CHML: variants seen among roughly 807,000 people sequenced by gnomAD.
CHML encodes rab proteins geranylgeranyltransferase component A 2.
Under a neutral mutation model 30.4 loss-of-function variants are expected in CHML, and 20 were observed. That is an observed-to-expected ratio of 0.66 (90% confidence interval 0.46 to 0.95). The LOEUF (loss-of-function observed/expected upper bound fraction) is 0.95, where lower values mean the gene tolerates loss of function less well. Among genes scored for constraint, CHML ranks in the 40% least tolerant of loss-of-function variants. The pLI is 0.00. For synonymous variants in CHML, 281 were observed against 275.0 expected (o/e 1.02, Z -0.22); for missense variants, 795 against 768.5 (o/e 1.03, Z -0.41).
rs1463577702 is a variant in CHML, at chr1:241,629,403, T to A, written c.*4393A>T. 1 of 152,116 alleles carries A rather than the reference T, an allele frequency of 6.6e-6. No homozygotes were observed. Among genetic ancestry groups the A allele is most frequent in the Admixed American group, 6.5e-5 (1 of 15,270 alleles). The allele number at this position is 152,116 out of a possible 1,614,324, so 9.4% of individuals were successfully genotyped here. A position where few individuals can be genotyped will look rare whatever the true frequency, so the allele number is the denominator to read the frequency against. Reference sequence around the variant, plus strand: ...TACAATAGCATGAACTAAGTCAAAGTTGCATTTTTAATATTAGGAAATTTG... The same window carrying A: ...TACAATAGCATGAACTAAGTCAAAGATGCATTTTTAATATTAGGAAATTTG... On this transcript the variant is annotated 3_prime_UTR_variant, in exon 2 of 2. Coordinates refer to ENST00000366553, the MANE Select transcript of CHML (RefSeq NM_001381853.1).
rs1664882906 is a variant in CHML, at chr1:241,635,968, T to C, written c.-202A>G. ...TAAAAACATGAGCAAGTACATCTAATCACATCTGAGAATACTAAAATGGAT... is the reference window on the plus strand; with the variant it reads ...TAAAAACATGAGCAAGTACATCTAACCACATCTGAGAATACTAAAATGGAT... On this transcript the variant is annotated 5_prime_UTR_variant, in exon 2 of 2. The change abolishes the stop of an existing upstream ORF in the 5' untranslated region. Transcript: ENST00000366553. 1.8e-6 allele frequency: 1 copy of C among 570,848 alleles called. No homozygotes were observed. The highest frequency in any genetic ancestry group is 1.9e-5 in the African/African-American group (1 of 52,698). 35.4% of individuals were successfully genotyped at this position (570,848 alleles called of 1,614,324 possible). A position where few individuals can be genotyped will look rare whatever the true frequency, so the allele number is the denominator to read the frequency against.
In CHML at chr1:241,632,384, C is replaced by T. The variant is rs2148023996; in HGVS notation, c.*1412G>A. The T allele has an allele frequency of 6.6e-6, 1 of 152,226 alleles. No homozygotes were observed. Among genetic ancestry groups the T allele is most frequent in the Middle Eastern group, 3.4e-3 (1 of 294 alleles). 9.4% of individuals were successfully genotyped at this position (152,226 alleles called of 1,614,324 possible). On this transcript the variant is annotated 3_prime_UTR_variant, in exon 2 of 2. Coordinates refer to ENST00000366553, the MANE Select transcript of CHML (RefSeq NM_001381853.1). ...ATACAGAGGGTACATGCGAATTTGCCTCACAGGATTGTTGAGAAACTGTCA... is the reference window on the plus strand; with the variant it reads ...ATACAGAGGGTACATGCGAATTTGCTTCACAGGATTGTTGAGAAACTGTCA...
chr1:241,633,552 C>G lies in CHML; in HGVS notation c.*244G>C. 2.0e-6 allele frequency: 1 copy of G among 496,310 alleles called. No homozygotes were observed. The highest frequency in any genetic ancestry group is 3.5e-6 in the Non-Finnish European group (1 of 283,140). The allele number at this position is 496,310 out of a possible 1,614,324, so 30.7% of individuals were successfully genotyped here. On this transcript the variant is annotated 3_prime_UTR_variant, in exon 2 of 2. Transcript: ENST00000366553. ...ATACCCAATACTAAAATAAAGCTAA[C>G]TCTGTTTTAAGATTCTGGGTCATAT...
Position 241,639,956 on chromosome 1 carries a change from ACGAAGGTAAAGGTGACCC to A in CHML, c.-400_-383del. The A allele has an allele frequency of 6.2e-7, 1 of 1,611,010 alleles. No individual in the cohort carries two copies. The highest frequency in any genetic ancestry group is 8.5e-7 in the Non-Finnish European group (1 of 1,178,886). ...CACCCAGCCGTTCCTCAGGCAGGAC[ACGAAGGTAAAGGTGACCC>A]CGAAGAGGGACACCAGCAGGTCGCT... On this transcript the variant is annotated 5_prime_UTR_variant, in exon 1 of 2. Transcript: ENST00000366553.
chr1:241,639,826 G>A, intron 1 of CHML, 56 bp downstream of exon 1: 1 of 1,403,104 alleles, frequency 7.1e-7, no homozygotes, highest in Non-Finnish European at 9.3e-7. Context: ...AGCGGGCAGC[G>A]GGGTGGGGAG....
rs1664517461 is a variant in CHML, at chr1:241,629,148, T to C, written c.*4648A>G. 6.6e-6 allele frequency: 1 copy of C among 152,534 alleles called. No homozygotes were observed. The highest frequency in any genetic ancestry group is 1.5e-5 in the Non-Finnish European group (1 of 68,010). The allele number at this position is 152,534 out of a possible 1,614,324, so 9.4% of individuals were successfully genotyped here. On this transcript the variant is annotated 3_prime_UTR_variant, in exon 2 of 2. Coordinates refer to ENST00000366553, the MANE Select transcript of CHML (RefSeq NM_001381853.1). Reference sequence around the variant, plus strand: ...AAATTTACTTAACCATTTCCAATCGTTGGGCTTTTTTCCCCCTTAAAGTTA... The same window carrying C: ...AAATTTACTTAACCATTTCCAATCGCTGGGCTTTTTTCCCCCTTAAAGTTA...
chr1:241,639,030 AT>A (rs1352708115), intron 1 of CHML, among the ~76,000 whole-genome samples: 1 of 152,230 alleles, frequency 6.6e-6, no homozygotes, highest in African/African-American at 2.4e-5. Context: ...TCCTTCAATG[AT>A]TTGCTGAGTT....
chr1:241,635,177 T>C lies in CHML; in HGVS notation c.590A>G (p.Asp197Gly). The change falls in exon 2 of 2, where the codon GAT (aspartate) becomes GGT (glycine). Residue 197 changes from aspartate to glycine, a missense_variant. Coordinates refer to ENST00000366553, the MANE Select transcript of CHML (RefSeq NM_001381853.1). ...CMHTVSDKDG[D>G]KDESKSTVED... ...TACTGTAGATTTGCTTTCATCTTTA[T>C]CTCCATCTTTATCTGAAACTGTGTG... The C allele has an allele frequency of 6.2e-7, 1 of 1,613,072 alleles. No homozygotes were observed. Among genetic ancestry groups the C allele is most frequent in the Non-Finnish European group, 8.5e-7 (1 of 1,179,920 alleles).
In CHML at chr1:241,635,349, G is replaced by A; in HGVS notation, c.418C>T (p.Pro140Ser). The change falls in exon 2 of 2, where the codon CCT becomes TCT. Residue 140 changes from proline (P) to serine (S), a missense_variant. Transcript: ENST00000366553. ...TFTEVLDSAL[P>S]EESQLSYFNS... ...AAATACGATAACTGGCTTTCTTCAG[G>A]TAATGCAGAATCCAGAACTTCAGTG... 2 of 1,613,944 alleles carry A rather than the reference G, an allele frequency of 1.2e-6. No homozygotes were observed. The highest frequency in any genetic ancestry group is 1.7e-6 in the Non-Finnish European group (2 of 1,179,924).
Position 241,633,676 on chromosome 1 carries a change from C to G in CHML, c.*120G>C. ...AATGTCTGAGAGTTAAAGACAACAT[C>G]TGCATAGCATTCATCATATATAACC... On this transcript the variant is annotated 3_prime_UTR_variant, in exon 2 of 2. Transcript: ENST00000366553. 1 of 992,038 alleles carries G rather than the reference C, an allele frequency of 1.0e-6. No homozygotes were observed. Among genetic ancestry groups the G allele is most frequent in the Non-Finnish European group, 1.5e-6 (1 of 665,176 alleles). The allele number at this position is 992,038 out of a possible 1,614,324, so 61.5% of individuals were successfully genotyped here.
chr1:241,636,116 T>G, intron 1 of CHML, 43 bp from the exon 2 acceptor site: 1 of 419,716 alleles, frequency 2.4e-6, no homozygotes. Context: ...GTAAACAATA[T>G]AAGAGAAAAA....
Position 241,634,353 on chromosome 1 carries a change from GATCTAA to G in CHML, c.1408_1413del (p.Leu470_Asp471del). ...GGAACTATCAGAATGGAAGTCTGCT[GATCTAA>G]ATCTGTCTTTAGTATAGACTGATCT... On this transcript the variant is annotated inframe_deletion, in exon 2 of 2. Coordinates refer to ENST00000366553, the MANE Select transcript of CHML (RefSeq NM_001381853.1). 1 of 1,613,958 alleles carries G rather than the reference GATCTAA, an allele frequency of 6.2e-7. No homozygotes were observed. The highest frequency in any genetic ancestry group is 8.5e-7 in the Non-Finnish European group (1 of 1,179,898).
In CHML at chr1:241,630,746, T is replaced by TATTAAATCATTGCCAGAGAAATA. The variant is rs1237601534; in HGVS notation, c.*3027_*3049dup. On this transcript the variant is annotated 3_prime_UTR_variant, in exon 2 of 2. Transcript: ENST00000366553. Reference sequence around the variant, plus strand: ...AGTACTTAACAGACTCCGAGAAGTCTATTAAATCATTGCCAGAGAAATAAT... The same window carrying TATTAAATCATTGCCAGAGAAATA: ...AGTACTTAACAGACTCCGAGAAGTCTATTAAATCATTGCCAGAGAAATAATTAAATCATTGCCAGAGAAATAAT... The TATTAAATCATTGCCAGAGAAATA allele has an allele frequency of 1.9e-4, 29 of 152,222 alleles. No homozygotes were observed. The highest frequency in any genetic ancestry group is 1.6e-3 in the Admixed American group (24 of 15,288). 9.4% of individuals were successfully genotyped at this position (152,222 alleles called of 1,614,324 possible).
At chr1:241,638,104 GTCTCGGAA>G (rs1486038975) in intron 1 of CHML, among the ~76,000 whole-genome samples, 10 of 152,180 alleles carry the variant, frequency 6.6e-5, no homozygotes, top group Admixed American at 5.2e-4. Flanking sequence ...CAGGGCTTAA[GTCTCGGAA>G]TCTCTTATCT....
chr1:241,634,259 T>C lies in CHML; in HGVS notation c.1508A>G (p.Lys503Arg). Reference sequence around the variant, plus strand: ...TGTCAAATGTACCAGATAGGTGTCCTTCATGCATGTCATGGTTGAAGAACA... The same window carrying C: ...TGTCAAATGTACCAGATAGGTGTCCCTCATGCATGTCATGGTTGAAGAACA... ...ELCSSTMTCM[K>R]DTYLVHLTCS... The change falls in exon 2 of 2, where the codon AAG becomes AGG. Residue 503 changes from lysine to arginine, a missense_variant. Physicochemically the swap from Lys to Arg is conservative, Grantham distance 26 (BLOSUM62 2). Transcript: ENST00000366553. 1 of 1,614,004 alleles carries C rather than the reference T, an allele frequency of 6.2e-7. No homozygotes were observed. Among genetic ancestry groups the C allele is most frequent in the Non-Finnish European group, 8.5e-7 (1 of 1,179,900 alleles).
intron 1 of CHML, 140 bp downstream of exon 1, chr1:241,639,742 C>T (rs1665040525): frequency 1.1e-5 from 8 of 754,930 alleles, no homozygotes; most frequent in African/African-American, 3.1e-5. Context: ...GAGCGGGGAG[C>T]GGGGCGGTGT....
chr1:241,633,716 A>T lies in CHML; in HGVS notation c.*80T>A. ...CATATATAACCACTTCTAATTACTC[A>T]TATGGGAAACTGTCCTTTAAATGAG... On this transcript the variant is annotated 3_prime_UTR_variant, in exon 2 of 2. Transcript: ENST00000366553. 6.9e-7 allele frequency: 1 copy of T among 1,447,558 alleles called. No homozygotes were observed. Among genetic ancestry groups the T allele is most frequent in the Non-Finnish European group, 9.5e-7 (1 of 1,050,316 alleles). The allele number at this position is 1,447,558 out of a possible 1,614,324, so 89.7% of individuals were successfully genotyped here. A position where few individuals can be genotyped will look rare whatever the true frequency, so the allele number is the denominator to read the frequency against.
chr1:241,633,796 C>G lies in CHML; in HGVS notation c.1971G>C (p.Ter657TyrextTer21). 6.2e-7 allele frequency: 1 copy of G among 1,613,010 alleles called. No individual in the cohort carries two copies. The highest frequency in any genetic ancestry group is 8.5e-7 in the Non-Finnish European group (1 of 1,179,502). ...LESPEKHLQN[*>Y] ...AACAGCATTTCGAGATTGCTCTTTT[C>G]TAATTTTGAAGGTGCTTCTCTGGGC... The change falls in exon 2 of 2, where the codon TAG becomes TAC. Residue 657 changes from the stop codon to tyrosine (Y), a stop_lost. Transcript: ENST00000366553.
chr1:241,640,344 G>A lies in CHML; in HGVS notation c.-770C>T. ...CCGCACTGGGTGGGGTTGGGGCTCC[G>A]CCGCCTGCTCTAGCCATTGTGCACT... On this transcript the variant is annotated 5_prime_UTR_variant, in exon 1 of 2. Transcript: ENST00000366553. 3.8e-6 allele frequency: 4 copies of A among 1,064,978 alleles called. No individual in the cohort carries two copies. Among genetic ancestry groups the A allele is most frequent in the Non-Finnish European group, 4.5e-6 (4 of 883,992 alleles). The allele number at this position is 1,064,978 out of a possible 1,614,324, so 66.0% of individuals were successfully genotyped here.
Sources: gnomAD v4.1 joint callset for allele counts (sites outside exome capture counted in the v4.1 genomes callset) on GRCh38, gnomAD v4.1.1 for gene constraint, MANE v1.5 for transcripts, NCBI Gene and HGNC (gene_info 2026-07-23, HGNC 2026-07-21) for gene names.